The following ATP11A variants were observed in gnomAD, a reference collection of about 807,000 sequenced individuals.
The protein encoded by ATP11A is ATPase phospholipid transporting 11A, also known as phospholipid-transporting ATPase IH.
A neutral mutation model predicts 154.4 loss-of-function variants in ATP11A; 81 were observed. The ratio of observed to expected loss-of-function variants is 0.52; its 90% CI spans 0.44 to 0.63. ATP11A has a LOEUF of 0.63. ATP11A is among the 30% of genes least tolerant of loss of function. The pLI is 0.00. For synonymous variants in ATP11A, 623 were observed against 585.9 expected (o/e 1.06, Z -0.91); for missense variants, 1,316 against 1,474.3 (o/e 0.89, Z 1.76).
intron 24 of ATP11A, 158 bp downstream of exon 24, chr13:112,860,572 G>A: frequency 1.3e-6 from 1 of 786,816 alleles, no homozygotes; most frequent in East Asian, 2.7e-5. Context: ...GTTTAAACTG[G>A]AAGCAACATA....
rs192347531 is a variant in ATP11A at position 112,720,030 on chromosome 13, A to T, written c.39+29575A>T. On this transcript the variant is annotated intron_variant, in intron 1 of 29. Transcript: ENST00000375645. ...CAATGAAAACATCTCAAGTCTGTGG[A>T]TAAGGGATTGATCAAATACATTAAT... Among the ~76,000 whole-genome samples, 338 of 152,344 alleles carry T rather than the reference A, an allele frequency of 2.2e-3. 1 individual carries two copies. The highest frequency in any genetic ancestry group is 7.7e-3 in the African/African-American group (322 of 41,586).
At chr13:112,804,761 T>C (rs1277888853) in intron 2 of ATP11A, among the ~76,000 whole-genome samples, 196 bp from the exon 3 acceptor site, 1 of 152,166 alleles carries the variant, frequency 6.6e-6, no homozygotes, top group African/African-American at 2.4e-5. Context: ...GTAATTTACA[T>C]ACGTGTTTCA....
intron 8 of ATP11A, among the ~76,000 whole-genome samples, chr13:112,820,505 C>T (rs967821174): frequency 3.3e-5 from 5 of 152,148 alleles, no homozygotes; most frequent in Admixed American, 6.5e-5. Flanking sequence ...CAGCATGGAC[C>T]CAGCGGCAGT....
rs182436439 is a variant in ATP11A at position 112,710,671 on chromosome 13, C to G, written c.39+20216C>G. ...TTCCAGGGAGGGGTTGTAACACTCC[C>G]GGCAGAGCTGTCTCATGGGGAGGGC... On this transcript the variant is annotated intron_variant, in intron 1 of 29. Transcript: ENST00000375645. Among the ~76,000 whole-genome samples, 495 of 152,284 alleles carry G rather than the reference C, an allele frequency of 3.3e-3. 5 individuals are homozygous for G. Among genetic ancestry groups the G allele is most frequent in the East Asian group, 0.031 (160 of 5,178 alleles).
chr13:112,881,067 G>A (rs1248243901), intron 29 of ATP11A: 48 of 987,584 alleles, frequency 4.9e-5, no homozygotes, highest in Non-Finnish European at 5.7e-5. Context: ...TCTTCTGTGT[G>A]CCAGCCGGAG....
chr13:112,721,760 C>T (rs1889215488), intron 1 of ATP11A, among the ~76,000 whole-genome samples: 1 of 152,340 alleles, frequency 6.6e-6, no homozygotes, highest in African/African-American at 2.4e-5. Flanking sequence ...CAGCGAATGA[C>T]ATTGCATATA....
chr13:112,810,799 A>G (rs1324802970), intron 5 of ATP11A, 73 bp downstream of exon 5: 3 of 1,344,226 alleles, frequency 2.2e-6, no homozygotes, highest in Non-Finnish European at 3.2e-6. Context: ...ACCCAGGTGC[A>G]GTGGCTCGCG....
chr13:112,690,422 C>G lies in ATP11A; in HGVS notation c.6C>G (p.Asp2Glu). ...CGGGAGCGGCCGGAGGAGCCATGGA[C>G]TGCAGCCTCGTGCGGACGCTCGTGC... M[D>E]CSLVRTLVHR... Residue 2 changes from aspartate to glutamate, a missense_variant, in exon 1 of 30, where the codon GAC becomes GAG. Coordinates refer to ENST00000375645, the MANE Select transcript of ATP11A (RefSeq NM_015205.3). The surrounding 1 kb of genome is among the most constrained non-coding windows in gnomAD (Gnocchi z 5.6). The G allele has an allele frequency of 7.5e-7, 1 of 1,341,470 alleles. No individual in the cohort carries two copies. Among genetic ancestry groups the G allele is most frequent in the Non-Finnish European group, 9.6e-7 (1 of 1,044,298 alleles). 83.1% of individuals were successfully genotyped at this position (1,341,470 alleles called of 1,614,324 possible).
rs562544122 is a variant in ATP11A, at chr13:112,827,206, C to G, written c.1221+315C>G. Among the ~76,000 whole-genome samples the G allele has an allele frequency of 5.3e-5, 8 of 152,334 alleles. No homozygotes were observed. In the East Asian group the frequency reaches 1.5e-3, roughly 29 times the overall value. On this transcript the variant is annotated intron_variant, in intron 12 of 29. Coordinates refer to ENST00000375645, the MANE Select transcript of ATP11A (RefSeq NM_015205.3). The stretch of plus-strand genomic sequence containing the variant: ...TTGCCAGCCTTGCACTCTGCTTCTG[C>G]ACCTGATATTCAAGTCTCATGGCGA...
chr13:112,713,748 A>G (rs1170326425), intron 1 of ATP11A, among the ~76,000 whole-genome samples: 1 of 152,172 alleles, frequency 6.6e-6, no homozygotes, highest in Admixed American at 6.5e-5. Context: ...ACTGTTGATA[A>G]GGATAAAATG....
chr13:112,868,124 A>G (rs1465889127), intron 25 of ATP11A, among the ~76,000 whole-genome samples: 1 of 152,228 alleles, frequency 6.6e-6, no homozygotes, highest in Admixed American at 6.5e-5. Flanking sequence ...GACAACAGTT[A>G]TTTGTTGAAC....
At chr13:112,692,839 C>T (rs746325700) in intron 1 of ATP11A, among the ~76,000 whole-genome samples, 16 of 152,146 alleles carry the variant, frequency 1.1e-4, no homozygotes, top group Non-Finnish European at 1.8e-4. Flanking sequence ...ATTGCGTTAT[C>T]GTCCACTATG....
At chr13:112,827,465 C>T (rs1196083501) in intron 12 of ATP11A, among the ~76,000 whole-genome samples, 3 of 152,188 alleles carry the variant, frequency 2.0e-5, no homozygotes, top group African/African-American at 7.2e-5. Flanking sequence ...GTGCACAGCA[C>T]AGAGTCTGGT....
chr13:112,764,495 G>A (rs1211643395), intron 1 of ATP11A, among the ~76,000 whole-genome samples: 1 of 152,206 alleles, frequency 6.6e-6, no homozygotes, highest in Non-Finnish European at 1.5e-5. Context: ...AACAGGGCAG[G>A]GAGAACTCTG....
intron 1 of ATP11A, among the ~76,000 whole-genome samples, chr13:112,724,730 C>T (rs533146903): frequency 3.1e-4 from 47 of 152,218 alleles, no homozygotes; most frequent in African/African-American, 9.9e-4. Context: ...CTTGAGTCTC[C>T]TCATTAGCAT....
chr13:112,765,306 T>G (rs2077049664), intron 1 of ATP11A, among the ~76,000 whole-genome samples: 1 of 152,106 alleles, frequency 6.6e-6, no homozygotes, highest in Non-Finnish European at 1.5e-5. Flanking sequence ...AGGCCCATCC[T>G]TGGGGAGGCC....
At chr13:112,876,621 G>A (rs2080733646) in intron 28 of ATP11A, among the ~76,000 whole-genome samples, 3 of 152,240 alleles carry the variant, frequency 2.0e-5, no homozygotes, top group African/African-American at 4.8e-5. Context: ...AACAATGCAA[G>A]TTTTCAAGTT....
intron 2 of ATP11A, among the ~76,000 whole-genome samples, chr13:112,797,962 T>C (rs768685596): frequency 6.6e-5 from 10 of 152,218 alleles, no homozygotes; most frequent in Non-Finnish European, 1.3e-4. Context: ...ATCAAGACAC[T>C]GGCAGGTTTG....
At chr13:112,701,044 G>T (rs922618800) in intron 1 of ATP11A, among the ~76,000 whole-genome samples, 11 of 152,234 alleles carry the variant, frequency 7.2e-5, no homozygotes, top group Admixed American at 3.3e-4. Context: ...GGTCGCTGCG[G>T]CCCTTTCAGG....
Sources: gnomAD v4.1 joint callset for allele counts (sites outside exome capture counted in the v4.1 genomes callset) on GRCh38, gnomAD v4.1.1 for gene constraint, Gnocchi (gnomAD v3.1) non-coding constraint, MANE v1.5 for transcripts, NCBI Gene and HGNC (gene_info 2026-07-23, HGNC 2026-07-21) for gene names.